The following UBE2E3 variants were observed in gnomAD, a reference collection of about 807,000 sequenced individuals.
The protein encoded by UBE2E3 is ubiquitin-conjugating enzyme E2 E3.
UBE2E3 carries 5 observed loss-of-function variants against 23.6 expected under a neutral mutation model. That is an observed-to-expected ratio of 0.21 (90% CI 0.11 to 0.44). The LOEUF (loss-of-function observed/expected upper bound fraction) is 0.44, where lower values mean the gene tolerates loss of function less well. Among genes scored for constraint, UBE2E3 ranks in the 20% least tolerant of loss-of-function variants. The pLI is 0.99. For synonymous variants in UBE2E3, 78 were observed against 87.5 expected, an observed-to-expected ratio of 0.89 and a Z score of 0.60; for missense variants, 81 against 249.8, an observed-to-expected ratio of 0.32 and a Z score of 4.55.
chr2:181,054,526 T>G (rs1427848613), intron 3 of UBE2E3, among the ~76,000 whole-genome samples: 1 of 151,834 alleles, frequency 6.6e-6, no homozygotes, highest in Non-Finnish European at 1.5e-5. Context: ...TTGCCATCTG[T>G]TTATCTTTGG....
intron 3 of UBE2E3, among the ~76,000 whole-genome samples, chr2:181,036,526 C>T (rs1411395028): frequency 6.6e-6 from 1 of 152,130 alleles, no homozygotes. Flanking sequence ...TCCTAAATTT[C>T]AGAGATGTGC....
chr2:181,028,353 A>G (rs1380760573), intron 3 of UBE2E3, among the ~76,000 whole-genome samples: 1 of 152,072 alleles, frequency 6.6e-6, no homozygotes, highest in African/African-American at 2.4e-5. Context: ...GTCACTATGA[A>G]CAATCGTACT....
intron 3 of UBE2E3, among the ~76,000 whole-genome samples, chr2:181,048,630 A>G (rs969746695): frequency 1.3e-5 from 2 of 148,928 alleles, no homozygotes; most frequent in African/African-American, 4.9e-5. Context: ...TTATTTTTCT[A>G]CGTTATTTCC....
chr2:181,014,941 C>T (rs1685441726), intron 3 of UBE2E3, among the ~76,000 whole-genome samples: 1 of 151,924 alleles, frequency 6.6e-6, no homozygotes. Flanking sequence ...GAAGTGAAGT[C>T]AATTTAGAAT....
intron 3 of UBE2E3, among the ~76,000 whole-genome samples, chr2:181,036,722 T>A (rs1283548802): frequency 6.6e-6 from 1 of 152,202 alleles, no homozygotes; most frequent in Non-Finnish European, 1.5e-5. Context: ...GGGTAAACAA[T>A]ACTCTAACTT....
intron 3 of UBE2E3, among the ~76,000 whole-genome samples, chr2:181,002,181 TAA>T (rs1685011415): frequency 6.9e-6 from 1 of 143,914 alleles, no homozygotes; most frequent in South Asian, 2.2e-4. Flanking sequence ...TGGAATGTTT[TAA>T]TGGATTTCTT....
At chr2:181,017,425 A>G (rs1366711167) in intron 3 of UBE2E3, among the ~76,000 whole-genome samples, 1 of 151,980 alleles carries the variant, frequency 6.6e-6, no homozygotes, top group Non-Finnish European at 1.5e-5. Flanking sequence ...GGGGGTGGAA[A>G]CCAAGCATGA....
intron 3 of UBE2E3, among the ~76,000 whole-genome samples, chr2:181,001,189 G>C (rs1684978600): frequency 6.6e-6 from 1 of 152,188 alleles, no homozygotes; most frequent in Non-Finnish European, 1.5e-5. Flanking sequence ...GTACTCCAGA[G>C]TTCCTTTAAA....
intron 3 of UBE2E3, among the ~76,000 whole-genome samples, chr2:181,015,609 A>AT (rs1254795798): frequency 6.6e-6 from 1 of 152,158 alleles, no homozygotes; most frequent in Non-Finnish European, 1.5e-5. Context: ...AGGTAAGATG[A>AT]TTTTTTACTT....
chr2:181,005,266 C>G (rs1037822222), intron 3 of UBE2E3, among the ~76,000 whole-genome samples: 1 of 152,218 alleles, frequency 6.6e-6, no homozygotes, highest in South Asian at 2.1e-4. Context: ...ACTGATAGTA[C>G]CTCCCAGCTG....
At chr2:181,045,850 A>G (rs1442200091) in intron 3 of UBE2E3, among the ~76,000 whole-genome samples, 1 of 152,154 alleles carries the variant, frequency 6.6e-6, no homozygotes. Flanking sequence ...TGATGGGAAT[A>G]TACACATACC....
chr2:180,992,641 G>T (rs377151189), intron 3 of UBE2E3, among the ~76,000 whole-genome samples: 1 of 151,294 alleles, frequency 6.6e-6, no homozygotes, highest in African/African-American at 2.4e-5. Flanking sequence ...GACTACAGGC[G>T]CACCCCACCA....
intron 2 of UBE2E3, 134 bp downstream of exon 2, chr2:180,982,370 G>A (rs1684324963): frequency 2.5e-6 from 2 of 812,820 alleles, no homozygotes; most frequent in South Asian, 3.5e-5. Context: ...GTACTTGAAT[G>A]AGTTGTCATT....
chr2:180,987,335 C>T lies in UBE2E3; in HGVS notation c.245+3242C>T, dbSNP rs1374374526. On this transcript the variant is annotated intron_variant, in intron 3 of 5. Transcript: ENST00000410062. ...AGACATTTACTTTCCATCTGTTTCC[C>T]AGAGGGTGTCCTTGTCCTCTCCTAG... 2.6e-6 allele frequency: 4 copies of T among 1,549,542 alleles called. No homozygotes were observed. The South Asian group carries it at 3.6e-5, about 14-fold the overall frequency.
chr2:181,037,494 A>G (rs1390868455), intron 3 of UBE2E3, among the ~76,000 whole-genome samples: 2 of 152,174 alleles, frequency 1.3e-5, no homozygotes, highest in Non-Finnish European at 2.9e-5. Flanking sequence ...GCTAATGTGT[A>G]TGTTTGTGTC....
chr2:180,991,123 G>T (rs572623742), intron 3 of UBE2E3, among the ~76,000 whole-genome samples: 1 of 150,998 alleles, frequency 6.6e-6, no homozygotes, highest in African/African-American at 2.4e-5. Flanking sequence ...AAATTATTTT[G>T]TAACAACCTT....
At chr2:181,012,858 C>A (rs2105610663) in intron 3 of UBE2E3, among the ~76,000 whole-genome samples, 1 of 152,248 alleles carries the variant, frequency 6.6e-6, no homozygotes, top group East Asian at 1.9e-4. Context: ...ATTGGTATTT[C>A]TCATATTGAA....
At chr2:180,987,463 A>G in intron 3 of UBE2E3, 2 of 1,497,234 alleles carry the variant, frequency 1.3e-6, no homozygotes, top group Non-Finnish European at 1.8e-6. Context: ...ACTGACGAAT[A>G]TTTTAAGAGT....
chr2:181,023,406 T>C (rs1249926886), intron 3 of UBE2E3, among the ~76,000 whole-genome samples: 2 of 152,208 alleles, frequency 1.3e-5, no homozygotes, highest in Non-Finnish European at 2.9e-5. Flanking sequence ...CAATGTATAT[T>C]GCCACAAAAA....
Sources: allele counts gnomAD v4.1 joint callset (sites outside exome capture counted in the v4.1 genomes callset), GRCh38; gene constraint gnomAD v4.1.1; transcripts MANE v1.5; gene names NCBI Gene and HGNC (gene_info 2026-07-23, HGNC 2026-07-21).